Variants in SNCG observed in about 807,000 individuals in gnomAD.
The protein encoded by SNCG is synuclein gamma.
SNCG carries 13 observed loss-of-function variants against 16.0 expected under a neutral mutation model. That is an observed-to-expected ratio of 0.81 (90% CI 0.53 to 1.29). The LOEUF is 1.29. Ranked by LOEUF, SNCG falls within the 50% of genes most tolerant of loss-of-function variation. The pLI, the probability that SNCG is intolerant of heterozygous loss-of-function variation, is 0.00. For missense variants in SNCG, 154 were observed against 168.5 expected (o/e 0.91, Z 0.48); for synonymous variants, 66 against 66.3 (o/e 1.00, Z 0.02).
chr10:86,958,644 G>A lies in SNCG; in HGVS notation c.-54G>A, dbSNP rs1484231763. 2.5e-6 allele frequency: 4 copies of A among 1,610,608 alleles called. No individual in the cohort carries two copies. Among genetic ancestry groups the A allele is most frequent in the Admixed American group, 3.3e-5 (2 of 59,782 alleles). ...TCGAGCCAGCTCAAGCCCGCAGCTC[G>A]CAGGGAGATCCAGCTCCGTCCTGCC... On this transcript the variant is annotated 5_prime_UTR_variant, in exon 1 of 5. Transcript: ENST00000372017.
In SNCG at chr10:86,959,816, C is replaced by T; in HGVS notation, c.163+142C>T. ...CTACAGACCCCTGCAGACCATGAGGCTAAACTAGGGTGGGCGTCTCCTTAC... is the reference window on the plus strand; with the variant it reads ...CTACAGACCCCTGCAGACCATGAGGTTAAACTAGGGTGGGCGTCTCCTTAC... On this transcript the variant is annotated intron_variant, in intron 2 of 4. Coordinates refer to ENST00000372017, the MANE Select transcript of SNCG (RefSeq NM_003087.3). The surrounding 1 kb of genome is among the most constrained non-coding windows in gnomAD (Gnocchi z 4.3). 8.0e-7 allele frequency: 1 copy of T among 1,255,966 alleles called. No individual in the cohort carries two copies. The highest frequency in any genetic ancestry group is 1.1e-6 in the Non-Finnish European group (1 of 915,348). The allele number at this position is 1,255,966 out of a possible 1,614,324, so 77.8% of individuals were successfully genotyped here.
chr10:86,957,584 G>T, upstream of SNCG: 1 of 1,554,606 alleles, frequency 6.4e-7, no homozygotes. Context: ...GCCTTGGCAA[G>T]TAGCTCCAGA....
Position 86,959,708 on chromosome 10 carries a change from G to A in SNCG, c.163+34G>A, listed in dbSNP as rs1221550798. ...CCCCAGGGCCAGGGGACACATGGGG[G>A]ATAGGACCCCTGGGGCTCCTGCATC... On this transcript the variant is annotated intron_variant, in intron 2 of 4. Coordinates refer to ENST00000372017, the MANE Select transcript of SNCG (RefSeq NM_003087.3). The surrounding 1 kb of genome is among the most constrained non-coding windows in gnomAD (Gnocchi z 4.3). The A allele has an allele frequency of 2.6e-6, 4 of 1,567,902 alleles. No individual in the cohort carries two copies. Among genetic ancestry groups the A allele is most frequent in the East Asian group, 2.2e-5 (1 of 44,568 alleles).
chr10:86,958,330 C>G, upstream of SNCG: 1 of 985,408 alleles, frequency 1.0e-6, no homozygotes. Context: ...CAGGGCTGCC[C>G]CCATGGGTGG....
At position 86,959,532 on chromosome 10, in the gene SNCG, C is replaced by A. The variant is rs887501056; in HGVS notation, c.122-101C>A. The A allele has an allele frequency of 5.7e-6, 6 of 1,050,938 alleles. No individual in the cohort carries two copies. The highest frequency in any genetic ancestry group is 3.8e-5 in the Admixed American group (2 of 52,630). 65.1% of individuals were successfully genotyped at this position (1,050,938 alleles called of 1,614,324 possible). On this transcript the variant is annotated intron_variant, in intron 1 of 4. Coordinates refer to ENST00000372017, the MANE Select transcript of SNCG (RefSeq NM_003087.3). This position sits in a 1 kb window ranked among gnomAD's most constrained non-coding sequence, Gnocchi z 4.3. The stretch of plus-strand genomic sequence containing the variant: ...GCCCCCAGACACCATCCTTACCCCC[C>A]CACCGACCCCACAGTTTGTCCAGCT...
At chr10:86,957,701 C>A, upstream of SNCG, 1 of 1,324,878 alleles carries the variant, frequency 7.5e-7, no homozygotes, top group Non-Finnish European at 1.0e-6. Flanking sequence ...GGGTCTTGTC[C>A]TGCCCCCCAA....
chr10:86,957,374 T>C (rs374475588), upstream of SNCG: 6 of 1,612,722 alleles, frequency 3.7e-6, no homozygotes, highest in Non-Finnish European at 5.1e-6. Flanking sequence ...CCAGGCCCTC[T>C]TACCGTCCTA....
intron 3 of SNCG, among the ~76,000 whole-genome samples, chr10:86,960,337 C>A (rs1372486708): frequency 6.6e-6 from 1 of 152,188 alleles, no homozygotes; most frequent in Non-Finnish European, 1.5e-5. Flanking sequence ...CACAACCACC[C>A]CTTCGGGGGA....
Position 86,960,025 on chromosome 10 carries a change from C to G in SNCG, c.188C>G (p.Ala63Gly), listed in dbSNP as rs770016120. Residue 63 changes from alanine (A) to glycine (G), a missense_variant, in exon 3 of 5, where the codon GCC becomes GGC. Transcript: ENST00000372017. ...TSVAEKTKEQ[A>G]NAVSEAVVSS... Reference sequence around the variant, plus strand: ...GTGGCCGAGAAGACCAAGGAGCAGGCCAACGCCGTGAGCGAGGCTGTGGTG... The same window carrying G: ...GTGGCCGAGAAGACCAAGGAGCAGGGCAACGCCGTGAGCGAGGCTGTGGTG... 3 of 1,607,300 alleles carry G rather than the reference C, an allele frequency of 1.9e-6. No homozygotes were observed. Among genetic ancestry groups the G allele is most frequent in the Non-Finnish European group, 2.5e-6 (3 of 1,177,722 alleles).
Position 86,963,233 on chromosome 10 carries a change from T to G in SNCG, c.*248T>G, listed in dbSNP as rs7096355. ...GCTGTGAATTTTTTTTTTAAATGAT[T>G]CCAAATAAAACTTGAGCCCACTCCT... On this transcript the variant is annotated 3_prime_UTR_variant, in exon 5 of 5. Transcript: ENST00000372017. 32,103 of 428,778 alleles carry G rather than the reference T, an allele frequency of 0.075. 1,380 individuals are homozygous for G. Among genetic ancestry groups the G allele is most frequent in the Middle Eastern group, 0.14 (241 of 1,670 alleles). The allele number at this position is 428,778 out of a possible 1,614,324, so 26.6% of individuals were successfully genotyped here. A position where few individuals can be genotyped will look rare whatever the true frequency, so the allele number is the denominator to read the frequency against.
In SNCG at chr10:86,958,606, G is replaced by T; in HGVS notation, c.-92G>T. On this transcript the variant is annotated 5_prime_UTR_variant, in exon 1 of 5. Coordinates refer to ENST00000372017, the MANE Select transcript of SNCG (RefSeq NM_003087.3). ...TCAATAGGAGGCATCGGGGACAGCC[G>T]CTGCGGCAGCACTCGAGCCAGCTCA... 2.8e-6 allele frequency: 4 copies of T among 1,408,356 alleles called. No individual in the cohort carries two copies. The highest frequency in any genetic ancestry group is 1.2e-5 in the South Asian group (1 of 85,188). The allele number at this position is 1,408,356 out of a possible 1,614,324, so 87.2% of individuals were successfully genotyped here.
chr10:86,963,153 C>T lies in SNCG; in HGVS notation c.*168C>T. On this transcript the variant is annotated 3_prime_UTR_variant, in exon 5 of 5. Coordinates refer to ENST00000372017, the MANE Select transcript of SNCG (RefSeq NM_003087.3). ...TCCACCTGTGCTGCTGCACCAACCT[C>T]ACTGCCCTCCCTCGGCCCCACCCAC... 1 of 535,638 alleles carries T rather than the reference C, an allele frequency of 1.9e-6. No individual in the cohort carries two copies. The highest frequency in any genetic ancestry group is 3.7e-5 in the Admixed American group (1 of 27,024). The allele number at this position is 535,638 out of a possible 1,614,324, so 33.2% of individuals were successfully genotyped here. A position where few individuals can be genotyped will look rare whatever the true frequency, so the allele number is the denominator to read the frequency against.
Position 86,959,734 on chromosome 10 carries a change from C to A in SNCG, c.163+60C>A. ...ATAGGACCCCTGGGGCTCCTGCATC[C>A]TAGTGCTGGGGCTCAAACCTAGAGT... On this transcript the variant is annotated intron_variant, in intron 2 of 4. Transcript: ENST00000372017. The surrounding 1 kb of genome is among the most constrained non-coding windows in gnomAD (Gnocchi z 4.3). 6.7e-7 allele frequency: 1 copy of A among 1,490,922 alleles called. No individual in the cohort carries two copies. Among genetic ancestry groups the A allele is most frequent in the Admixed American group, 2.0e-5 (1 of 51,074 alleles). The allele number at this position is 1,490,922 out of a possible 1,614,324, so 92.4% of individuals were successfully genotyped here. A position where few individuals can be genotyped will look rare whatever the true frequency, so the allele number is the denominator to read the frequency against.
chr10:86,957,504 A>AG, upstream of SNCG: 1 of 1,612,690 alleles, frequency 6.2e-7, no homozygotes, highest in Non-Finnish European at 8.5e-7. Flanking sequence ...CCCCCAGCCC[A>AG]GGGGGCCCCC....
rs1415278809 is a variant in SNCG at position 86,959,287 on chromosome 10, G to A, written c.122-346G>A. The stretch of plus-strand genomic sequence containing the variant: ...CATCCTCTCCTGGCACTCTCCAGAG[G>A]AGGAAGGGGAGGTCAAGCCAATGAC... On this transcript the variant is annotated intron_variant, in intron 1 of 4. Coordinates refer to ENST00000372017, the MANE Select transcript of SNCG (RefSeq NM_003087.3). The surrounding 1 kb of genome is among the most constrained non-coding windows in gnomAD (Gnocchi z 4.3). The A allele has an allele frequency of 4.4e-6, 2 of 451,124 alleles. No homozygotes were observed. Among genetic ancestry groups the A allele is most frequent in the Non-Finnish European group, 4.0e-6 (1 of 253,090 alleles). 27.9% of individuals were successfully genotyped at this position (451,124 alleles called of 1,614,324 possible).
chr10:86,960,261 C>A, intron 3 of SNCG, 133 bp downstream of exon 3: 1 of 851,822 alleles, frequency 1.2e-6, no homozygotes, highest in Non-Finnish European at 1.8e-6. Context: ...TTTCAGTACC[C>A]ACTGAGCGCC....
At chr10:86,957,369 C>T, upstream of SNCG, 1 of 1,612,606 alleles carries the variant, frequency 6.2e-7, no homozygotes, top group Non-Finnish European at 8.5e-7. Flanking sequence ...AAGGTCCAGG[C>T]CCTCTTACCG....
intron 3 of SNCG, among the ~76,000 whole-genome samples, chr10:86,961,551 T>C (rs1003175517): frequency 2.0e-5 from 3 of 151,930 alleles, no homozygotes; most frequent in African/African-American, 7.3e-5. Context: ...TGCCCGGGCA[T>C]TCCTTGTGAA....
chr10:86,956,093 C>T (rs1389867726), upstream of SNCG, among the ~76,000 whole-genome samples: 2 of 152,108 alleles, frequency 1.3e-5, no homozygotes, highest in African/African-American at 4.8e-5. Flanking sequence ...GTGGAGCTTC[C>T]TTGGTCCTGA....
Sources: gnomAD v4.1 joint callset for allele counts (sites outside exome capture counted in the v4.1 genomes callset) on GRCh38, gnomAD v4.1.1 for gene constraint, Gnocchi (gnomAD v3.1) non-coding constraint, MANE v1.5 for transcripts, NCBI Gene and HGNC (gene_info 2026-07-23, HGNC 2026-07-21) for gene names.